Variants in SEC31B observed in about 807,000 individuals in gnomAD.
SEC31B encodes the protein protein transport protein Sec31B.
A neutral mutation model predicts 135.0 loss-of-function variants in SEC31B; 113 were observed. The ratio of observed to expected loss-of-function variants is 0.84; its 90% CI spans 0.72 to 0.98. The LOEUF (loss-of-function observed/expected upper bound fraction) is 0.98. Among genes scored for constraint, SEC31B ranks in the 50% least tolerant of loss-of-function variants. The pLI, the probability that SEC31B is intolerant of heterozygous loss-of-function variation, is 0.00. For synonymous variants in SEC31B, 508 were observed against 549.4 expected (o/e 0.92, Z 1.05); for missense variants, 1,296 against 1,421.1 (o/e 0.91, Z 1.42).
At chr10:100,501,059 A>G (rs1276266792) in intron 11 of SEC31B, among the ~76,000 whole-genome samples, 2 of 142,848 alleles carry the variant, frequency 1.4e-5, no homozygotes, top group African/African-American at 5.2e-5. Flanking sequence ...AAAAAATACA[A>G]AAAATACAAA....
chr10:100,504,523 T>A (rs1851587955), intron 10 of SEC31B, among the ~76,000 whole-genome samples: 1 of 152,234 alleles, frequency 6.6e-6, no homozygotes, highest in Non-Finnish European at 1.5e-5. Context: ...CCCCAAGTGA[T>A]GTGGATGCAC....
intron 5 of SEC31B, among the ~76,000 whole-genome samples, chr10:100,508,280 C>T (rs1851670714): frequency 6.6e-6 from 1 of 151,986 alleles, no homozygotes; most frequent in Admixed American, 6.6e-5. Flanking sequence ...TTACTCCTAC[C>T]CAAGGTTTTA....
chr10:100,498,693 G>A lies in SEC31B; in HGVS notation c.1684+12C>T. The A allele has an allele frequency of 1.3e-6, 2 of 1,595,376 alleles. No homozygotes were observed. Among genetic ancestry groups the A allele is most frequent in the Non-Finnish European group, 1.7e-6 (2 of 1,163,482 alleles). On this transcript the variant is annotated intron_variant, in intron 14 of 25. Coordinates refer to ENST00000370345, the MANE Select transcript of SEC31B (RefSeq NM_015490.4). ...AAGCAGAGACTCTCCCTCTCCCTCA[G>A]GGTCAGGGTACCTTTTGTGATGGGG...
At chr10:100,498,264 C>A in intron 14 of SEC31B, 57 bp from the exon 15 acceptor site, 1 of 1,519,636 alleles carries the variant, frequency 6.6e-7, no homozygotes, top group Non-Finnish European at 9.1e-7. Context: ...ACTTCCTGCC[C>A]CCTGCAGGGC....
chr10:100,490,162 G>T lies in SEC31B; in HGVS notation c.2811C>A (p.Phe937Leu). ...CTAGTGGTCTCAGAGGAAGCAGAGG[G>T]AACAGTCTAGGAGTCTCAGGCAGGG... ...STSLPETPRLFPLLPLRPLGP... is the reference protein window; with the variant it reads ...STSLPETPRLLPLLPLRPLGP... The change falls in exon 21 of 26, where the codon TTC (phenylalanine) becomes TTA (leucine). Residue 937 changes from phenylalanine to leucine, a missense_variant. Phe to Leu is a conservative substitution (Grantham distance 22). Transcript: ENST00000370345. 1 of 1,601,762 alleles carries T rather than the reference G, an allele frequency of 6.2e-7. No homozygotes were observed. Among genetic ancestry groups the T allele is most frequent in the South Asian group, 1.1e-5 (1 of 88,878 alleles).
At chr10:100,510,754 C>T (rs1408965158) in intron 3 of SEC31B, among the ~76,000 whole-genome samples, 1 of 152,210 alleles carries the variant, frequency 6.6e-6, no homozygotes, top group Admixed American at 6.5e-5. Context: ...AGAACCAGCT[C>T]AGACCAGGTC....
chr10:100,495,054 C>A, intron 19 of SEC31B: 1 of 325,738 alleles, frequency 3.1e-6, no homozygotes, highest in African/African-American at 2.2e-5. Context: ...TCTCGAACTC[C>A]AAACCTCATG....
Position 100,495,522 on chromosome 10 carries a change from G to A in SEC31B, c.2335C>T (p.Arg779Trp), listed in dbSNP as rs148539684. ...GCAGAACCTTGAGCATGAAAAAGCCGATCTCTTAGCTGCTGAACTGGTGGC... is the reference window on the plus strand; with the variant it reads ...GCAGAACCTTGAGCATGAAAAAGCCAATCTCTTAGCTGCTGAACTGGTGGC... ...AQPPVQQLRD[R>W]LFHAQGSAVL... is the part of the protein sequence containing the mutation. Residue 779 changes from arginine to tryptophan, a missense_variant, in exon 19 of 26, where the codon CGG (arginine) becomes TGG (tryptophan). Arg to Trp is a moderately radical substitution (Grantham distance 101). Transcript: ENST00000370345. 2.0e-5 allele frequency: 33 copies of A among 1,613,664 alleles called. 1 individual carries two copies. Among genetic ancestry groups the A allele is most frequent in the Admixed American group, 1.7e-4 (10 of 59,928 alleles).
rs766432344 is a variant in SEC31B at position 100,489,686 on chromosome 10, G to A, written c.3024+17C>T. On this transcript the variant is annotated intron_variant, in intron 22 of 25. Transcript: ENST00000370345. Reference sequence around the variant, plus strand: ...TGGTGAATGTGCGAGGGAGTGGGTAGGGAAAGATGCATTGACCTTGTTCCT... The same window carrying A: ...TGGTGAATGTGCGAGGGAGTGGGTAAGGAAAGATGCATTGACCTTGTTCCT... 2 of 1,614,196 alleles carry A rather than the reference G, an allele frequency of 1.2e-6. No individual in the cohort carries two copies. The highest frequency in any genetic ancestry group is 2.2e-5 in the East Asian group (1 of 44,884).
intron 3 of SEC31B, among the ~76,000 whole-genome samples, chr10:100,514,633 TAA>T (rs1416964084): frequency 6.6e-6 from 1 of 151,518 alleles, no homozygotes; most frequent in Non-Finnish European, 1.5e-5. Context: ...AAACGACAAC[TAA>T]CTTTTCATTA....
chr10:100,514,796 C>T (rs1851796894), intron 3 of SEC31B, among the ~76,000 whole-genome samples: 1 of 151,850 alleles, frequency 6.6e-6, no homozygotes, highest in Admixed American at 6.6e-5. Flanking sequence ...AAAAAATTAA[C>T]AGAAATTACA....
intron 9 of SEC31B, 110 bp downstream of exon 9, chr10:100,505,930 G>T: frequency 6.4e-7 from 1 of 1,555,696 alleles, no homozygotes. Flanking sequence ...CCCAAACCCC[G>T]GGCCCTGGTC....
At position 100,495,758 on chromosome 10, in the gene SEC31B, C is replaced by T. The variant is rs74689446; in HGVS notation, c.2311-212G>A. ...TTGTCTCTAGTGATAAGTGGAAAAC[C>T]GGGATGAGGAAGGGGCTTTACTGGC... On this transcript the variant is annotated intron_variant, in intron 18 of 25. Coordinates refer to ENST00000370345, the MANE Select transcript of SEC31B (RefSeq NM_015490.4). 1.3e-5 allele frequency among the ~76,000 whole-genome samples: 2 copies of T among 152,052 alleles called. No homozygotes were observed. Among genetic ancestry groups the T allele is most frequent in the South Asian group, 2.1e-4 (1 of 4,800 alleles).
chr10:100,516,917 C>A lies in SEC31B; in HGVS notation c.36G>T (p.Gln12His), dbSNP rs2133701164. ...KLKELERPAV[Q>H]AWSPASQYPL... ...GGTATTGGCTGGCTGGGCTCCATGC[C>A]TGGACAGCTGGCCGCTCAAGTTCCT... Residue 12 changes from glutamine to histidine, a missense_variant, in exon 2 of 26, where the codon CAG becomes CAT. Transcript: ENST00000370345. 1 of 1,614,140 alleles carries A rather than the reference C, an allele frequency of 6.2e-7. No individual in the cohort carries two copies. Among genetic ancestry groups the A allele is most frequent in the South Asian group, 1.1e-5 (1 of 91,074 alleles).
At chr10:100,496,681 T>A (rs1412410757) in intron 17 of SEC31B, among the ~76,000 whole-genome samples, 1 of 152,218 alleles carries the variant, frequency 6.6e-6, no homozygotes, top group African/African-American at 2.4e-5. Flanking sequence ...CATCTCTACC[T>A]CTTCCTTTTG....
intron 24 of SEC31B, among the ~76,000 whole-genome samples, chr10:100,488,476 A>C (rs1336588235): frequency 2.6e-5 from 4 of 151,952 alleles, no homozygotes; most frequent in Non-Finnish European, 5.9e-5. Context: ...AAAAAAAAAA[A>C]AAATCACAGC....
At chr10:100,507,810 C>A in intron 6 of SEC31B, 98 bp downstream of exon 6, 1 of 1,536,714 alleles carries the variant, frequency 6.5e-7, no homozygotes, top group South Asian at 1.2e-5. Context: ...TGTCCGACAG[C>A]TGAAAGCAGG....
chr10:100,505,916 C>T (rs1292269163), intron 9 of SEC31B, 124 bp downstream of exon 9: 39 of 1,539,038 alleles, frequency 2.5e-5, no homozygotes, highest in Non-Finnish European at 3.3e-5. Context: ...AAAGGTGCAG[C>T]CCTCCCAAAC....
intron 16 of SEC31B, 114 bp downstream of exon 16, chr10:100,497,553 A>G: frequency 6.4e-7 from 1 of 1,573,552 alleles, no homozygotes; most frequent in South Asian, 1.2e-5. Context: ...AGCCCTGACA[A>G]CATTGCCTCG....
Sources: allele counts gnomAD v4.1 joint callset (sites outside exome capture counted in the v4.1 genomes callset), GRCh38; gene constraint gnomAD v4.1.1; transcripts MANE v1.5; gene names NCBI Gene and HGNC (gene_info 2026-07-23, HGNC 2026-07-21).